The following POLR2J variants were observed in gnomAD, a reference collection of about 807,000 sequenced individuals.
POLR2J encodes DNA-directed RNA polymerase II subunit RPB11-a.
A neutral mutation model predicts 13.4 loss-of-function variants in POLR2J; 12 were observed. The observed-to-expected ratio is 0.90, with a 90% confidence interval of 0.57 to 1.45. The LOEUF (loss-of-function observed/expected upper bound fraction) is 1.45, where lower values mean the gene tolerates loss of function less well. Among genes scored for constraint, POLR2J ranks in the 40% most tolerant of loss-of-function variants. The pLI is 0.00. For synonymous variants in POLR2J, 31 were observed against 53.6 expected (o/e 0.58, Z 1.84); for missense variants, 58 against 132.0 (o/e 0.44, Z 2.75).
Position 102,473,231 on chromosome 7 carries a change from GC to G in POLR2J, c.*417del. 1.3e-6 allele frequency: 1 copy of G among 749,848 alleles called. No individual in the cohort carries two copies. The allele number at this position is 749,848 out of a possible 1,614,324, so 46.4% of individuals were successfully genotyped here. A position where few individuals can be genotyped will look rare whatever the true frequency, so the allele number is the denominator to read the frequency against. ...TGTTCCTGCTTTGACTGACAGGCAG[GC>G]CCAGGAGTTGAGGCTTCTAGAGCAG... On this transcript the variant is annotated 3_prime_UTR_variant, in exon 4 of 4. Transcript: ENST00000292614.
At position 102,474,353 on chromosome 7, in the gene POLR2J, GC is replaced by G; in HGVS notation, c.318+7del. On this transcript the variant is annotated splice_region_variant and intron_variant, in intron 3 of 3. Coordinates refer to ENST00000292614, the MANE Select transcript of POLR2J (RefSeq NM_006234.6). ...CACCCCGTCTGCCCCTCCAGGCCCC[GC>G]CCTCACCCGAAAGCGCTCCTCCAGC... The G allele has an allele frequency of 6.2e-7, 1 of 1,611,702 alleles. No homozygotes were observed. Among genetic ancestry groups the G allele is most frequent in the Non-Finnish European group, 8.5e-7 (1 of 1,179,608 alleles).
At chr7:102,475,454 T>C (rs1380684139) in intron 2 of POLR2J, among the ~76,000 whole-genome samples, 1 of 152,158 alleles carries the variant, frequency 6.6e-6, no homozygotes, top group African/African-American at 2.4e-5. Flanking sequence ...TCTTGTTAAA[T>C]AGAAGTTCTA....
chr7:102,475,200 G>A (rs908614603), intron 2 of POLR2J, among the ~76,000 whole-genome samples: 2 of 152,220 alleles, frequency 1.3e-5, no homozygotes, highest in African/African-American at 4.8e-5. Context: ...CTCCATCCCT[G>A]CGCCTGCCCA....
Position 102,473,516 on chromosome 7 carries a change from T to C in POLR2J, c.*133A>G. On this transcript the variant is annotated 3_prime_UTR_variant, in exon 4 of 4. Coordinates refer to ENST00000292614, the MANE Select transcript of POLR2J (RefSeq NM_006234.6). ...CTAATCTATGTACAGGACACGTCGG[T>C]GTCAGGGTGAGGGGTGGCCACAAGG... 1 of 1,355,846 alleles carries C rather than the reference T, an allele frequency of 7.4e-7. No homozygotes were observed. The highest frequency in any genetic ancestry group is 1.0e-6 in the Non-Finnish European group (1 of 992,466). The allele number at this position is 1,355,846 out of a possible 1,614,324, so 84.0% of individuals were successfully genotyped here. A position where few individuals can be genotyped will look rare whatever the true frequency, so the allele number is the denominator to read the frequency against.
rs759722004 is a variant in POLR2J, at chr7:102,473,724, C to G, written c.319-40G>C. 64 of 1,612,946 alleles carry G rather than the reference C, an allele frequency of 4.0e-5. No individual in the cohort carries two copies. In the South Asian group the frequency reaches 6.6e-4, roughly 17 times the overall value. ...GGTGGTGGAGACTGAGCTGGAACAG[C>G]TGGGGCAAGGACGCTGGAAACACAT... On this transcript the variant is annotated intron_variant, in intron 3 of 3. Coordinates refer to ENST00000292614, the MANE Select transcript of POLR2J (RefSeq NM_006234.6).
chr7:102,476,068 C>T (rs1188288367), intron 2 of POLR2J, 113 bp downstream of exon 2: 1 of 573,754 alleles, frequency 1.7e-6, no homozygotes, highest in Non-Finnish European at 3.1e-6. Flanking sequence ...CCAGAGCAAG[C>T]CCCCAGAAGG....
chr7:102,473,912 A>ACGACT lies in POLR2J; in HGVS notation c.319-233_319-229dup. ...GCCCCAGAGGCTTCCTGGTGAGCAG[A>ACGACT]CGACTCAGACGTTGAAATCCCCCAA... On this transcript the variant is annotated intron_variant, in intron 3 of 3. Coordinates refer to ENST00000292614, the MANE Select transcript of POLR2J (RefSeq NM_006234.6). 7 of 1,435,072 alleles carry ACGACT rather than the reference A, an allele frequency of 4.9e-6. No individual in the cohort carries two copies. The South Asian group carries it at 1.1e-4, about 22-fold the overall frequency. The allele number at this position is 1,435,072 out of a possible 1,614,324, so 88.9% of individuals were successfully genotyped here.
chr7:102,475,609 A>G (rs996504221), intron 2 of POLR2J, among the ~76,000 whole-genome samples: 6 of 152,244 alleles, frequency 3.9e-5, no homozygotes, highest in African/African-American at 7.2e-5. Context: ...CTGCTCGTTC[A>G]TTTACAGAAT....
intron 3 of POLR2J, 195 bp from the exon 4 acceptor site, chr7:102,473,879 A>C (rs964304560): frequency 2.7e-5 from 39 of 1,441,316 alleles, no homozygotes; most frequent in Middle Eastern, 2.5e-4. Flanking sequence ...CCCCGGCAGG[A>C]GTCAGAGGCC....
In POLR2J at chr7:102,473,459, T is replaced by G; in HGVS notation, c.*190A>C. 1.5e-6 allele frequency: 1 copy of G among 662,922 alleles called. No individual in the cohort carries two copies. The highest frequency in any genetic ancestry group is 2.1e-6 in the Non-Finnish European group (1 of 476,528). The allele number at this position is 662,922 out of a possible 1,614,324, so 41.1% of individuals were successfully genotyped here. On this transcript the variant is annotated 3_prime_UTR_variant, in exon 4 of 4. Transcript: ENST00000292614. Reference sequence around the variant, plus strand: ...CGCTGCTCAAGTCCACATCCAGGTCTCTCCCGCTATACTTTATTAGGAATA... The same window carrying G: ...CGCTGCTCAAGTCCACATCCAGGTCGCTCCCGCTATACTTTATTAGGAATA...
At chr7:102,474,953 G>A (rs1798381155) in intron 2 of POLR2J, among the ~76,000 whole-genome samples, 1 of 149,532 alleles carries the variant, frequency 6.7e-6, no homozygotes, top group African/African-American at 2.4e-5. Context: ...ATGGAACTCT[G>A]CCCTCCGAGC....
chr7:102,474,240 C>T, intron 3 of POLR2J, 121 bp downstream of exon 3: 5 of 1,593,320 alleles, frequency 3.1e-6, no homozygotes, highest in Non-Finnish European at 3.4e-6. Context: ...AGTCCCTGCT[C>T]TTCCATCACT....
chr7:102,474,054 A>G (rs548321284), intron 3 of POLR2J: 2 of 1,403,880 alleles, frequency 1.4e-6, no homozygotes, highest in Non-Finnish European at 1.9e-6. Context: ...AGGCCTTGCC[A>G]ATCACCAACA....
rs898016355 is a variant in POLR2J at position 102,478,866 on chromosome 7, C to G, written c.-6G>C. 9 of 1,610,644 alleles carry G rather than the reference C, an allele frequency of 5.6e-6. No individual in the cohort carries two copies. The highest frequency in any genetic ancestry group is 7.6e-6 in the Non-Finnish European group (9 of 1,179,692). On this transcript the variant is annotated 5_prime_UTR_variant, in exon 1 of 4. Transcript: ENST00000292614. ...AAGGCTGGAGGGGCGTTCATGCTCCCGCCGCCGTTGCGTCCAGACCCCAAG... is the reference window on the plus strand; with the variant it reads ...AAGGCTGGAGGGGCGTTCATGCTCCGGCCGCCGTTGCGTCCAGACCCCAAG...
chr7:102,474,036 G>A (rs1313593466), intron 3 of POLR2J: 17 of 1,443,458 alleles, frequency 1.2e-5, no homozygotes, highest in East Asian at 5.0e-5. Flanking sequence ...CAGAGACCTG[G>A]AAGGACCAGG....
In POLR2J at chr7:102,473,201, A is replaced by AG. The variant is rs1330157408; in HGVS notation, c.*447dup. ...GAAAGGTGTTTCGAGTTATGCAGGA[A>AG]GAAGTGTTCCTGCTTTGACTGACAG... On this transcript the variant is annotated 3_prime_UTR_variant, in exon 4 of 4. Transcript: ENST00000292614. The AG allele has an allele frequency of 1.1e-6, 1 of 924,916 alleles. No individual in the cohort carries two copies. Among genetic ancestry groups the AG allele is most frequent in the Non-Finnish European group, 1.6e-6 (1 of 632,848 alleles). 57.3% of individuals were successfully genotyped at this position (924,916 alleles called of 1,614,324 possible). A position where few individuals can be genotyped will look rare whatever the true frequency, so the allele number is the denominator to read the frequency against.
At chr7:102,476,953 T>A (rs1798449814) in intron 1 of POLR2J, among the ~76,000 whole-genome samples, 1 of 87,960 alleles carries the variant, frequency 1.1e-5, no homozygotes, top group Non-Finnish European at 2.6e-5. Flanking sequence ...CGCCTTAGCC[T>A]CCTGAGTAGC....
At chr7:102,474,111 A>C (rs1798336260) in intron 3 of POLR2J, 1 of 1,481,534 alleles carries the variant, frequency 6.7e-7, no homozygotes, top group African/African-American at 1.4e-5. Flanking sequence ...CCCCGCCCCG[A>C]TCTGGCCCAC....
chr7:102,474,364 A>C lies in POLR2J; in HGVS notation c.315T>G (p.Phe105Leu), dbSNP rs778951396. 2 of 1,611,532 alleles carry C rather than the reference A, an allele frequency of 1.2e-6. No individual in the cohort carries two copies. The highest frequency in any genetic ancestry group is 1.7e-5 in the Admixed American group (1 of 59,890). ...CCCCTCCAGGCCCCGCCCTCACCCG[A>C]AAGCGCTCCTCCAGCAGGGACAGCT... ...ISELSLLEER[F>L]RVAIKDKQEG... is the part of the protein sequence containing the mutation. Residue 105 changes from phenylalanine to leucine, a missense_variant, in exon 3 of 4, where the codon TTT becomes TTG. Coordinates refer to ENST00000292614, the MANE Select transcript of POLR2J (RefSeq NM_006234.6).
Sources: gnomAD v4.1 joint callset for allele counts (sites outside exome capture counted in the v4.1 genomes callset) on GRCh38, gnomAD v4.1.1 for gene constraint, MANE v1.5 for transcripts, NCBI Gene and HGNC (gene_info 2026-07-23, HGNC 2026-07-21) for gene names.